Variants in PDE3A observed in about 807,000 individuals in gnomAD.
The protein encoded by PDE3A is phosphodiesterase 3A.
A neutral mutation model predicts 98.3 loss-of-function variants in PDE3A; 43 were observed. The observed-to-expected ratio is 0.44, with a 90% CI of 0.34 to 0.56. The LOEUF is 0.56. PDE3A is among the 20% of genes least tolerant of loss of function. PDE3A has a pLI of 0.01. For missense variants in PDE3A, 1,427 were observed against 1,440.7 expected (o/e 0.99, Z 0.15); for synonymous variants, 663 against 567.9 (o/e 1.17, Z -2.38).
At chr12:20,468,584 T>G (rs1352237995) in intron 1 of PDE3A, among the ~76,000 whole-genome samples, 1 of 152,222 alleles carries the variant, frequency 6.6e-6, no homozygotes, top group Non-Finnish European at 1.5e-5. Context: ...TCTTTCAGGT[T>G]ACACTGTGCT....
chr12:20,439,241 G>A (rs2120834843), intron 1 of PDE3A, among the ~76,000 whole-genome samples: 1 of 152,254 alleles, frequency 6.6e-6, no homozygotes, highest in Non-Finnish European at 1.5e-5. Context: ...AGAGATAAGA[G>A]CAGAAAGGTT....
intron 8 of PDE3A, among the ~76,000 whole-genome samples, chr12:20,636,326 A>G (rs1392317083): frequency 2.6e-5 from 4 of 152,232 alleles, no homozygotes; most frequent in Non-Finnish European, 5.9e-5. Flanking sequence ...AATGGCTGCT[A>G]TTATCATTTT....
chr12:20,437,579 A>G (rs1051523430), intron 1 of PDE3A, among the ~76,000 whole-genome samples: 4 of 152,048 alleles, frequency 2.6e-5, no homozygotes, highest in Admixed American at 2.6e-4. Context: ...GGTGTGTCAC[A>G]TGGCGAGAAA....
intron 5 of PDE3A, 40 bp downstream of exon 5, chr12:20,621,451 T>C: frequency 1.9e-6 from 2 of 1,067,048 alleles, no homozygotes; most frequent in Non-Finnish European, 2.9e-6. Flanking sequence ...ACTGTGAGTG[T>C]GGAGTTCTAG....
intron 1 of PDE3A, among the ~76,000 whole-genome samples, chr12:20,500,485 T>C (rs1299720903): frequency 2.0e-5 from 3 of 152,186 alleles, no homozygotes; most frequent in East Asian, 3.9e-4. Flanking sequence ...AGTTCATAAA[T>C]CTAAACTTAG....
At chr12:20,644,618 G>GT (rs1258806265) in intron 10 of PDE3A, among the ~76,000 whole-genome samples, 1 of 152,040 alleles carries the variant, frequency 6.6e-6, no homozygotes, top group African/African-American at 2.4e-5. Flanking sequence ...AAATATGATC[G>GT]TAATTCTCTT....
chr12:20,605,119 T>G (rs1488954358), intron 2 of PDE3A, among the ~76,000 whole-genome samples: 1 of 152,214 alleles, frequency 6.6e-6, no homozygotes, highest in African/African-American at 2.4e-5. Context: ...AACAATTCCA[T>G]TTTTCTGCAG....
intron 1 of PDE3A, among the ~76,000 whole-genome samples, chr12:20,464,857 T>G (rs916291288): frequency 6.6e-6 from 1 of 151,950 alleles, no homozygotes; most frequent in Non-Finnish European, 1.5e-5. Context: ...TACCATCCAA[T>G]CATATTTTAT....
At chr12:20,593,199 G>A (rs989796310) in intron 2 of PDE3A, among the ~76,000 whole-genome samples, 1 of 152,178 alleles carries the variant, frequency 6.6e-6, no homozygotes, top group Non-Finnish European at 1.5e-5. Flanking sequence ...AAATGAAGTG[G>A]TAGGCAGAAG....
At position 20,369,283 on chromosome 12, in the gene PDE3A, C is replaced by A; in HGVS notation, c.-2C>A. 6.6e-7 allele frequency: 1 copy of A among 1,512,594 alleles called. No homozygotes were observed. Among genetic ancestry groups the A allele is most frequent in the Non-Finnish European group, 8.9e-7 (1 of 1,125,940 alleles). 93.7% of individuals were successfully genotyped at this position (1,512,594 alleles called of 1,614,324 possible). Reference sequence around the variant, plus strand: ...AATTCAGTGAAGAGGGCACCCTATACCATGGCAGTGCCCGGCGACGCTGCA... The same window carrying A: ...AATTCAGTGAAGAGGGCACCCTATAACATGGCAGTGCCCGGCGACGCTGCA... On this transcript the variant is annotated 5_prime_UTR_variant, in exon 1 of 16. Transcript: ENST00000359062.
intron 15 of PDE3A, among the ~76,000 whole-genome samples, chr12:20,657,619 A>G (rs969509955): frequency 6.6e-6 from 1 of 152,214 alleles, no homozygotes; most frequent in Non-Finnish European, 1.5e-5. Flanking sequence ...GAGCAATGAA[A>G]GGCTCTTTGT....
chr12:20,502,969 C>T lies in PDE3A; in HGVS notation c.961-53691C>T, dbSNP rs546690302. 5.9e-5 allele frequency among the ~76,000 whole-genome samples: 9 copies of T among 152,042 alleles called. 1 individual carries two copies. The highest frequency in any genetic ancestry group is 1.3e-4 in the Admixed American group (2 of 15,242). Reference sequence around the variant, plus strand: ...TTTAATCTTTCTAAGTCATTTTCTTCGACTATAAATGGAGATGATGCATAT... The same window carrying T: ...TTTAATCTTTCTAAGTCATTTTCTTTGACTATAAATGGAGATGATGCATAT... On this transcript the variant is annotated intron_variant, in intron 1 of 15. Transcript: ENST00000359062.
intron 2 of PDE3A, chr12:20,571,995 A>G (rs1046575204): frequency 1.8e-6 from 2 of 1,087,700 alleles, no homozygotes; most frequent in Non-Finnish European, 2.2e-6. Flanking sequence ...CTATTTGACT[A>G]TGGTGTGGCC....
chr12:20,670,309 G>A (rs1361200328), intron 15 of PDE3A, among the ~76,000 whole-genome samples: 1 of 146,876 alleles, frequency 6.8e-6, no homozygotes, highest in African/African-American at 2.6e-5. Flanking sequence ...AGTCAACAAG[G>A]ATACCCAGGA....
chr12:20,666,494 C>T (rs928274647), intron 15 of PDE3A, among the ~76,000 whole-genome samples: 1 of 152,024 alleles, frequency 6.6e-6, no homozygotes, highest in Non-Finnish European at 1.5e-5. Flanking sequence ...ATGAGATCAA[C>T]TTTTCTAGCT....
chr12:20,551,815 G>T (rs1942210287), intron 1 of PDE3A: 1 of 1,613,882 alleles, frequency 6.2e-7, no homozygotes, highest in Non-Finnish European at 8.5e-7. Flanking sequence ...CTCACAGCGG[G>T]ACTGGGACAA....
chr12:20,426,481 G>A (rs1016773489), intron 1 of PDE3A, among the ~76,000 whole-genome samples: 5 of 152,250 alleles, frequency 3.3e-5, no homozygotes, highest in East Asian at 3.9e-4. Flanking sequence ...GCCGCATCAC[G>A]GCTGGAATAC....
At chr12:20,531,086 C>T (rs1183224645) in intron 1 of PDE3A, among the ~76,000 whole-genome samples, 2 of 152,126 alleles carry the variant, frequency 1.3e-5, no homozygotes, top group African/African-American at 4.8e-5. Flanking sequence ...ATAGTTATGA[C>T]ACCTACACAG....
At chr12:20,390,872 A>G (rs61246087) in intron 1 of PDE3A, among the ~76,000 whole-genome samples, 27,613 of 151,832 alleles carry the variant, frequency 0.18, 2,824 homozygotes, top group East Asian at 0.39. Context: ...TAGGCTTTGG[A>G]CATTTCAATT....
Sources: gnomAD v4.1 joint callset for allele counts (sites outside exome capture counted in the v4.1 genomes callset) on GRCh38, gnomAD v4.1.1 for gene constraint, MANE v1.5 for transcripts, NCBI Gene and HGNC (gene_info 2026-07-23, HGNC 2026-07-21) for gene names.